The following ITGA11 variants were observed in gnomAD, a reference collection of about 807,000 sequenced individuals.
The protein encoded by ITGA11 is integrin subunit alpha 11.
Under a neutral mutation model 141.9 loss-of-function variants are expected in ITGA11, and 97 were observed. The observed-to-expected ratio is 0.68, with a 90% CI of 0.58 to 0.81. The LOEUF is 0.81. ITGA11 is among the 30% of genes least tolerant of loss of function. ITGA11 has a pLI of 0.00. For synonymous variants in ITGA11, 658 were observed against 624.6 expected (o/e 1.05, Z -0.80); for missense variants, 1,387 against 1,559.2 (o/e 0.89, Z 1.86).
intron 4 of ITGA11, chr15:68,361,915 C>T (rs998687003): frequency 5.9e-5 from 29 of 493,920 alleles, no homozygotes; most frequent in African/African-American, 5.3e-4. Flanking sequence ...TGGAGAAAAA[C>T]TGATCTTGGA....
At chr15:68,360,131 C>A (rs1295565314) in intron 5 of ITGA11, among the ~76,000 whole-genome samples, 1 of 152,182 alleles carries the variant, frequency 6.6e-6, no homozygotes, top group African/African-American at 2.4e-5. Context: ...GATGACCTGA[C>A]ACTCCTGGCC....
chr15:68,379,020 C>T (rs1317519293), intron 2 of ITGA11, among the ~76,000 whole-genome samples: 1 of 152,324 alleles, frequency 6.6e-6, no homozygotes, highest in East Asian at 1.9e-4. Context: ...AAAATGAGAA[C>T]CTCAGCCACT....
intron 4 of ITGA11, among the ~76,000 whole-genome samples, chr15:68,362,591 GTAGATGGA>G (rs761082150): frequency 7.2e-5 from 11 of 152,208 alleles, no homozygotes; most frequent in Admixed American, 5.9e-4. Context: ...TAAGTGGGTG[GTAGATGGA>G]TGGATGAATG....
intron 10 of ITGA11, among the ~76,000 whole-genome samples, chr15:68,347,353 G>A (rs1250379258): frequency 6.6e-6 from 1 of 152,216 alleles, no homozygotes; most frequent in Non-Finnish European, 1.5e-5. Context: ...CCTAAAATGG[G>A]ATAACTATCA....
chr15:68,394,111 G>C (rs2140394746), intron 2 of ITGA11, among the ~76,000 whole-genome samples: 1 of 152,268 alleles, frequency 6.6e-6, no homozygotes, highest in East Asian at 1.9e-4. Flanking sequence ...AGAAAATCTA[G>C]AGGAAACACA....
intron 5 of ITGA11, among the ~76,000 whole-genome samples, 157 bp from the exon 6 acceptor site, chr15:68,358,742 C>T (rs1895150259): frequency 6.6e-6 from 1 of 152,192 alleles, no homozygotes. Context: ...TTTATTTGGG[C>T]AATGTGAGTG....
At chr15:68,412,055 G>C (rs1896783069) in intron 1 of ITGA11, among the ~76,000 whole-genome samples, 1 of 152,106 alleles carries the variant, frequency 6.6e-6, no homozygotes, top group East Asian at 1.9e-4. Context: ...ACCCTCAGCT[G>C]ACCCCAGATA....
chr15:68,365,358 C>T, intron 3 of ITGA11: 1 of 986,668 alleles, frequency 1.0e-6, no homozygotes, highest in Non-Finnish European at 1.2e-6. Flanking sequence ...CCCAGGAATG[C>T]CATTCTGAAG....
chr15:68,375,031 C>T (rs1384276375), intron 2 of ITGA11, among the ~76,000 whole-genome samples: 1 of 152,200 alleles, frequency 6.6e-6, no homozygotes, highest in Non-Finnish European at 1.5e-5. Flanking sequence ...ACAGCCAGGA[C>T]TCCTCGTCCT....
intron 11 of ITGA11, among the ~76,000 whole-genome samples, chr15:68,339,148 C>T (rs1894473486): frequency 6.6e-6 from 1 of 152,212 alleles, no homozygotes; most frequent in Non-Finnish European, 1.5e-5. Flanking sequence ...CTTTGGGAGG[C>T]AGGCTCAGTG....
chr15:68,309,922 T>G (rs1194490995), intron 26 of ITGA11, among the ~76,000 whole-genome samples: 1 of 152,186 alleles, frequency 6.6e-6, no homozygotes, highest in Non-Finnish European at 1.5e-5. Context: ...TTTGTTTACA[T>G]TATTAGCTGA....
At chr15:68,348,945 T>C in intron 9 of ITGA11, 45 bp from the exon 10 acceptor site, 2 of 1,519,604 alleles carry the variant, frequency 1.3e-6, no homozygotes, top group Non-Finnish European at 1.8e-6. Context: ...GCCCAATCCC[T>C]TAGCGCCAGA....
chr15:68,327,872 T>C (rs1283511971), intron 16 of ITGA11, among the ~76,000 whole-genome samples: 1 of 152,188 alleles, frequency 6.6e-6, no homozygotes, highest in African/African-American at 2.4e-5. Flanking sequence ...CTGTCCTCCC[T>C]GTCATGATCA....
chr15:68,339,407 G>A (rs1040447525), intron 11 of ITGA11, 93 bp downstream of exon 11: 2 of 1,376,974 alleles, frequency 1.5e-6, no homozygotes, highest in African/African-American at 1.4e-5. Flanking sequence ...TACACAGCAG[G>A]CCCCTCACTC....
intron 4 of ITGA11, 23 bp from the exon 5 acceptor site, chr15:68,361,727 C>T: frequency 6.5e-7 from 1 of 1,530,466 alleles, no homozygotes; most frequent in South Asian, 1.2e-5. Flanking sequence ...GTGCAGATCC[C>T]CAGTCAGTGA....
chr15:68,358,259 C>T (rs751852604), intron 6 of ITGA11, among the ~76,000 whole-genome samples, 199 bp downstream of exon 6: 4 of 152,180 alleles, frequency 2.6e-5, no homozygotes, highest in Non-Finnish European at 2.9e-5. Context: ...GAGGCTTCCC[C>T]CAAAATGTCA....
chr15:68,397,274 AAATTAAAAATTTTAAAATAATAT>A (rs1896304253), intron 2 of ITGA11, among the ~76,000 whole-genome samples: 31 of 36 alleles, frequency 0.86, 15 homozygotes, highest in Admixed American at 1. Flanking sequence ...TAAAAATATT[AAATTAAAAATTTTAAAATAATAT>A]TATATTATTT....
Position 68,303,764 on chromosome 15 carries a change from G to C in ITGA11, c.3495+8C>G, listed in dbSNP as rs773404817. Reference sequence around the variant, plus strand: ...GCTGCTCCTTCCCTCCCCTGCCAGGGCCCTCACCTTCCACAGTGCCAGGAC... The same window carrying C: ...GCTGCTCCTTCCCTCCCCTGCCAGGCCCCTCACCTTCCACAGTGCCAGGAC... On this transcript the variant is annotated splice_region_variant and intron_variant, in intron 29 of 29. Coordinates refer to ENST00000315757, the MANE Select transcript of ITGA11 (RefSeq NM_001004439.2). This position sits in a 1 kb window ranked among gnomAD's most constrained non-coding sequence, Gnocchi z 5.3. The C allele has an allele frequency of 1.3e-6, 2 of 1,588,314 alleles. No homozygotes were observed. The highest frequency in any genetic ancestry group is 1.7e-6 in the Non-Finnish European group (2 of 1,158,812).
chr15:68,380,152 G>A (rs570959738), intron 2 of ITGA11, among the ~76,000 whole-genome samples: 9 of 152,286 alleles, frequency 5.9e-5, no homozygotes, highest in African/African-American at 1.9e-4. Context: ...TAGAGGCTGA[G>A]GCACAACTGG....
Sources: gnomAD v4.1 joint callset for allele counts (sites outside exome capture counted in the v4.1 genomes callset) on GRCh38, gnomAD v4.1.1 for gene constraint, Gnocchi (gnomAD v3.1) non-coding constraint, MANE v1.5 for transcripts, NCBI Gene and HGNC (gene_info 2026-07-23, HGNC 2026-07-21) for gene names.